Variants in NAT10 observed in about 807,000 individuals in gnomAD.
The protein encoded by NAT10 is RNA cytidine acetyltransferase.
NAT10 carries 109 observed loss-of-function variants against 132.2 expected under a neutral mutation model. That is an observed-to-expected ratio of 0.82 (90% CI 0.71 to 0.97). The LOEUF (loss-of-function observed/expected upper bound fraction) is 0.97, where lower values mean the gene tolerates loss of function less well. Among genes scored for constraint, NAT10 ranks in the 50% least tolerant of loss-of-function variants. The pLI is 0.00. For missense variants in NAT10, 1,184 were observed against 1,263.4 expected (o/e 0.94, Z 0.95); for synonymous variants, 479 against 478.0 (o/e 1.00, Z -0.03).
At chr11:34,123,891 C>T (rs751114815) in intron 10 of NAT10, 36 bp downstream of exon 10, 38 of 1,514,688 alleles carry the variant, frequency 2.5e-5, no homozygotes, top group Non-Finnish European at 3.5e-5. Flanking sequence ...TATTTTGGAC[C>T]TGGTGTGGTG....
rs1157415846 is a variant in NAT10 at position 34,127,703 on chromosome 11, CAG to C, written c.1244+107_1244+108del. ...GGCCTGGACAGCCAAGTCTGATTCT[CAG>C]AGTCTCTGAGTGTTTGAGGCTGCTT... is the stretch of plus-strand genomic sequence containing the variant. On this transcript the variant is annotated intron_variant, in intron 12 of 28. Transcript: ENST00000257829. 2.1e-6 allele frequency: 3 copies of C among 1,406,106 alleles called. No individual in the cohort carries two copies. The African/African-American group carries it at 4.3e-5, about 20-fold the overall frequency. 87.1% of individuals were successfully genotyped at this position (1,406,106 alleles called of 1,614,324 possible).
rs565476920 is a variant in NAT10, at chr11:34,146,840, G to C, written c.*648G>C. The stretch of plus-strand genomic sequence containing the variant: ...CATTTGGGAAAAGATGTTGGGAAAG[G>C]CCACTTTGCTCGCAGGGGTGAGGGG... On this transcript the variant is annotated 3_prime_UTR_variant, in exon 29 of 29. Coordinates refer to ENST00000257829, the MANE Select transcript of NAT10 (RefSeq NM_024662.3). 3 of 152,404 alleles carry C rather than the reference G, an allele frequency of 2.0e-5. No individual in the cohort carries two copies. In the South Asian group the frequency reaches 6.2e-4, roughly 32 times the overall value. 9.4% of individuals were successfully genotyped at this position (152,404 alleles called of 1,614,324 possible). A position where few individuals can be genotyped will look rare whatever the true frequency, so the allele number is the denominator to read the frequency against.
At chr11:34,144,313 TA>T (rs910514303) in intron 28 of NAT10, among the ~76,000 whole-genome samples, 1 of 152,014 alleles carries the variant, frequency 6.6e-6, no homozygotes, top group Admixed American at 6.6e-5. Context: ...CTGAGAAATT[TA>T]AAAAAAATTC....
chr11:34,141,051 G>T (rs1411778493), intron 24 of NAT10, 38 bp from the exon 25 acceptor site: 15 of 1,613,588 alleles, frequency 9.3e-6, no homozygotes, highest in Non-Finnish European at 1.3e-5. Flanking sequence ...GCAAGGGCGT[G>T]TCCTAGAGGC....
At chr11:34,124,492 C>T in intron 11 of NAT10, 92 bp downstream of exon 11, 1 of 865,536 alleles carries the variant, frequency 1.2e-6, no homozygotes, top group Non-Finnish European at 1.8e-6. Context: ...ACATGTATGT[C>T]TTGTGTAATT....
chr11:34,137,764 C>G (rs949883338), intron 21 of NAT10, among the ~76,000 whole-genome samples: 1 of 152,190 alleles, frequency 6.6e-6, no homozygotes, highest in Admixed American at 6.5e-5. Flanking sequence ...AAGAGGAGGA[C>G]ACAGCACATA....
intron 7 of NAT10, 48 bp downstream of exon 7, chr11:34,118,342 GTGT>G (rs751952878): frequency 4.3e-6 from 7 of 1,611,088 alleles, no homozygotes; most frequent in African/African-American, 1.3e-5. Context: ...TACGTTTTCT[GTGT>G]TGTTCCTCCT....
Position 34,139,217 on chromosome 11 carries a change from C to T in NAT10, c.2238C>T (p.Cys746=), listed in dbSNP as rs1213611819. ...ATGACCTGACCGGAGAGCACTCGTGCATCATGCTGAAGACGCTCACTGATG... is the reference window on the plus strand; with the variant it reads ...ATGACCTGACCGGAGAGCACTCGTGTATCATGCTGAAGACGCTCACTGATG... ...TPNDLTGEHS[C]IMLKTLTDED... Residue 746 remains cysteine, a synonymous_variant, in exon 22 of 29, where the codon TGC becomes TGT. Transcript: ENST00000257829. 66 of 1,613,912 alleles carry T rather than the reference C, an allele frequency of 4.1e-5. No individual in the cohort carries two copies. Among genetic ancestry groups the T allele is most frequent in the Non-Finnish European group, 5.5e-5 (65 of 1,180,000 alleles).
intron 1 of NAT10, among the ~76,000 whole-genome samples, chr11:34,107,971 A>G (rs1316459184): frequency 1.3e-5 from 2 of 152,240 alleles, no homozygotes; most frequent in Non-Finnish European, 1.5e-5. Context: ...TTTAAAAAAT[A>G]TTTAATAGAG....
At chr11:34,140,199 C>T (rs536113517) in intron 23 of NAT10, among the ~76,000 whole-genome samples, 17 of 152,282 alleles carry the variant, frequency 1.1e-4, no homozygotes, top group African/African-American at 3.4e-4. Context: ...CTGTGGCAGC[C>T]GTCCCCTCCC....
Position 34,134,323 on chromosome 11 carries a change from G to A in NAT10, c.1739G>A (p.Cys580Tyr), listed in dbSNP as rs1303303893. Residue 580 changes from cysteine to tyrosine, a missense_variant, in exon 17 of 29, where the codon TGC (cysteine) becomes TAC (tyrosine). By Grantham distance (194) the Cys-to-Tyr change is radical. Transcript: ENST00000257829. ...ACTGTCCTGCTTCCCCCACAGGTGT[G>A]CCTTGAAGGGGAGATTTCTCGCCAG... ...LPEVLAVIQVCLEGEISRQSI... is the reference protein window; with the variant it reads ...LPEVLAVIQVYLEGEISRQSI... 4.3e-6 allele frequency: 7 copies of A among 1,614,044 alleles called. No individual in the cohort carries two copies. The South Asian group carries it at 7.7e-5, about 18-fold the overall frequency.
At chr11:34,132,579 A>G (rs546484872) in intron 15 of NAT10, among the ~76,000 whole-genome samples, 2 of 152,336 alleles carry the variant, frequency 1.3e-5, no homozygotes, top group East Asian at 3.9e-4. Context: ...GGTTTAGAAT[A>G]TCTGAGACTC....
At chr11:34,115,924 T>G in intron 6 of NAT10, 40 bp downstream of exon 6, 1 of 1,598,520 alleles carries the variant, frequency 6.3e-7, no homozygotes, top group Non-Finnish European at 8.6e-7. Context: ...GCAGCCACAT[T>G]GGGAGGGACA....
Position 34,134,533 on chromosome 11 carries a change from G to A in NAT10, c.1858G>A (p.Gly620Ser). ...SEQFQDPDFG[G>S]LSGGRVVRIA... ...ACAGTTCCAAGATCCAGACTTTGGT[G>A]GTCTGTCTGGTGGAAGGGTCGTTCG... The change falls in exon 18 of 29, where the codon GGT becomes AGT. Residue 620 changes from glycine (G) to serine (S), a missense_variant. Gly to Ser is a moderately conservative substitution (Grantham distance 56, BLOSUM62 0). Coordinates refer to ENST00000257829, the MANE Select transcript of NAT10 (RefSeq NM_024662.3). 1 of 1,614,166 alleles carries A rather than the reference G, an allele frequency of 6.2e-7. No individual in the cohort carries two copies. The highest frequency in any genetic ancestry group is 1.1e-5 in the South Asian group (1 of 91,084).
intron 21 of NAT10, among the ~76,000 whole-genome samples, chr11:34,137,590 G>A (rs1212484895): frequency 6.6e-6 from 1 of 152,196 alleles, no homozygotes; most frequent in Admixed American, 6.5e-5. Context: ...AGGAGGGCAC[G>A]GAGCTCTTGT....
intron 19 of NAT10, 95 bp from the exon 20 acceptor site, chr11:34,136,547 T>C: frequency 3.4e-6 from 5 of 1,455,570 alleles, no homozygotes; most frequent in Non-Finnish European, 4.7e-6. Context: ...CCAGTTTTTG[T>C]TGTGCTAAGT....
intron 18 of NAT10, 44 bp downstream of exon 18, chr11:34,134,630 G>T (rs1309254749): frequency 1.9e-6 from 3 of 1,596,636 alleles, no homozygotes; most frequent in East Asian, 2.2e-5. Flanking sequence ...TGCTGGCGGT[G>T]CTTTAGGGTG....
At chr11:34,122,719 T>C (rs1436471182) in intron 9 of NAT10, 127 bp downstream of exon 9, 1 of 1,259,114 alleles carries the variant, frequency 7.9e-7, no homozygotes, top group Admixed American at 2.2e-5. Flanking sequence ...AGTGTGTGAT[T>C]TCTCTAGGTC....
In NAT10 at chr11:34,131,489, C is replaced by G; in HGVS notation, c.1478C>G (p.Thr493Ser). ...CTGTGCCTGGATTGCCTCAACATCA[C>G]TCGGATAGTCTCAGGCTGCCCCTTG... ...DLLCLDCLNITRIVSGCPLPE... is the reference protein window; with the variant it reads ...DLLCLDCLNISRIVSGCPLPE... Residue 493 changes from threonine (T) to serine (S), a missense_variant, in exon 14 of 29, where the codon ACT (threonine) becomes AGT (serine). Thr to Ser is a moderately conservative substitution (Grantham distance 58, BLOSUM62 1). Coordinates refer to ENST00000257829, the MANE Select transcript of NAT10 (RefSeq NM_024662.3). The G allele has an allele frequency of 1.2e-6, 2 of 1,614,058 alleles. No individual in the cohort carries two copies. The highest frequency in any genetic ancestry group is 2.2e-5 in the South Asian group (2 of 91,078).
Sources: gnomAD v4.1 joint callset for allele counts (sites outside exome capture counted in the v4.1 genomes callset) on GRCh38, gnomAD v4.1.1 for gene constraint, MANE v1.5 for transcripts, NCBI Gene and HGNC (gene_info 2026-07-23, HGNC 2026-07-21) for gene names.